C12orf50: variants seen among roughly 807,000 people sequenced by gnomAD.
C12orf50 encodes the protein zinc finger CCCH-type containing 11D.
In C12orf50, 35 loss-of-function variants were observed where a neutral mutation model predicts 61.6. That is an observed-to-expected ratio of 0.57 (90% CI 0.43 to 0.75). C12orf50 has a LOEUF of 0.75. Among genes scored for constraint, C12orf50 ranks in the 30% least tolerant of loss-of-function variants. The probability of loss-of-function intolerance (pLI) is 0.00; values close to 1 mark genes in which losing one functional copy is unlikely to be tolerated. For missense variants in C12orf50, 475 were observed against 488.5 expected (o/e 0.97, Z 0.26); for synonymous variants, 178 against 161.5 (o/e 1.10, Z -0.77).
rs115362308 is a variant in C12orf50 at position 88,022,543 on chromosome 12, T to A, written c.133+3945A>T. ...GAGAAAGAAAGAAAAGACATCCAAA[T>A]AGGAATCAAGGAAGTCAAATTATCC... On this transcript the variant is annotated intron_variant, in intron 3 of 12. Transcript: ENST00000298699. 4.1e-3 allele frequency among the ~76,000 whole-genome samples: 626 copies of A among 152,186 alleles called. 5 individuals are homozygous for A. Among genetic ancestry groups the A allele is most frequent in the African/African-American group, 0.015 (602 of 41,496 alleles).
At chr12:88,021,819 A>G (rs1195836437) in intron 3 of C12orf50, among the ~76,000 whole-genome samples, 1 of 152,152 alleles carries the variant, frequency 6.6e-6, no homozygotes, top group Non-Finnish European at 1.5e-5. Flanking sequence ...GAAGAGACCA[A>G]TACTGAGTTC....
intron 3 of C12orf50, among the ~76,000 whole-genome samples, chr12:88,004,522 A>G (rs968458008): frequency 6.6e-6 from 1 of 152,172 alleles, no homozygotes; most frequent in African/African-American, 2.4e-5. Context: ...CAGAAATACC[A>G]TTTGACCCAG....
At chr12:87,998,010 T>G (rs2031488188) in intron 4 of C12orf50, 25 bp downstream of exon 4, 1 of 1,592,118 alleles carries the variant, frequency 6.3e-7, no homozygotes, top group African/African-American at 1.3e-5. Flanking sequence ...ATGTGTATTG[T>G]AAACCTGAAA....
intron 3 of C12orf50, among the ~76,000 whole-genome samples, chr12:88,001,762 T>C (rs1025996396): frequency 6.6e-6 from 1 of 151,622 alleles, no homozygotes; most frequent in Non-Finnish European, 1.5e-5. Context: ...ATATAAGTTA[T>C]CTAATTTGTT....
At position 88,011,224 on chromosome 12, in the gene C12orf50, T is replaced by C. The variant is rs373583092; in HGVS notation, c.134-13034A>G. 2.0e-5 allele frequency among the ~76,000 whole-genome samples: 3 copies of C among 152,264 alleles called. No individual in the cohort carries two copies. The South Asian group carries it at 6.2e-4, about 32-fold the overall frequency. On this transcript the variant is annotated intron_variant, in intron 3 of 12. Transcript: ENST00000298699. Reference sequence around the variant, plus strand: ...TGTATCAGAGTTTTTTTTAAGGGAATAACCTTTTTCCCATTTTCAATCAAC... The same window carrying C: ...TGTATCAGAGTTTTTTTTAAGGGAACAACCTTTTTCCCATTTTCAATCAAC...
chr12:88,003,292 T>TA (rs551022967), intron 3 of C12orf50, among the ~76,000 whole-genome samples: 4 of 151,804 alleles, frequency 2.6e-5, no homozygotes, highest in East Asian at 1.9e-4. Context: ...TGTAACAGAC[T>TA]AAAAAAAATT....
intron 3 of C12orf50, among the ~76,000 whole-genome samples, chr12:88,026,066 G>A (rs2032695780): frequency 6.6e-6 from 1 of 152,142 alleles, no homozygotes; most frequent in South Asian, 2.1e-4. Context: ...AGAAACAGAA[G>A]TGTGTAACCC....
At chr12:88,003,900 T>C (rs1379587501) in intron 3 of C12orf50, among the ~76,000 whole-genome samples, 1 of 152,154 alleles carries the variant, frequency 6.6e-6, no homozygotes, top group Non-Finnish European at 1.5e-5. Context: ...TACATTTTGG[T>C]AAAATGCCTC....
intron 3 of C12orf50, among the ~76,000 whole-genome samples, chr12:88,013,045 C>T (rs1277456217): frequency 6.6e-6 from 1 of 151,338 alleles, no homozygotes; most frequent in Admixed American, 6.6e-5. Flanking sequence ...GCCTGGGCAA[C>T]AGAGCAAGAT....
intron 3 of C12orf50, among the ~76,000 whole-genome samples, chr12:88,002,273 T>C (rs1377771393): frequency 1.3e-5 from 2 of 151,832 alleles, no homozygotes; most frequent in African/African-American, 4.8e-5. Context: ...GTGTGCTATT[T>C]AATTTCCATA....
chr12:88,015,576 C>CT (rs200384100), intron 3 of C12orf50, among the ~76,000 whole-genome samples: 1,658 of 152,242 alleles, frequency 0.011, 23 homozygotes, highest in Middle Eastern at 0.041. Context: ...AATATAAGAA[C>CT]TTTTTTAAAA....
chr12:88,016,091 C>T (rs1195508322), intron 3 of C12orf50, among the ~76,000 whole-genome samples: 1 of 152,092 alleles, frequency 6.6e-6, no homozygotes, highest in Non-Finnish European at 1.5e-5. Context: ...AACTCATCTA[C>T]TTAATATGGA....
intron 3 of C12orf50, among the ~76,000 whole-genome samples, chr12:88,018,842 G>C (rs1054438080): frequency 8.5e-5 from 13 of 152,062 alleles, no homozygotes; most frequent in African/African-American, 3.1e-4. Context: ...GTTTTGCCCA[G>C]TTTCTCCCAT....
At chr12:88,012,065 A>T (rs1177730812) in intron 3 of C12orf50, among the ~76,000 whole-genome samples, 3 of 152,090 alleles carry the variant, frequency 2.0e-5, no homozygotes, top group Non-Finnish European at 4.4e-5. Context: ...TTTGTTTTGC[A>T]TTTTTTCCCA....
chr12:88,013,988 A>C (rs1236997455), intron 3 of C12orf50, among the ~76,000 whole-genome samples: 1 of 152,224 alleles, frequency 6.6e-6, no homozygotes, highest in African/African-American at 2.4e-5. Context: ...GTTTCAGAAA[A>C]GACAGGGAAA....
intron 3 of C12orf50, among the ~76,000 whole-genome samples, chr12:88,013,760 A>T (rs557750661): frequency 6.6e-6 from 1 of 152,376 alleles, no homozygotes; most frequent in African/African-American, 2.4e-5. Context: ...TGTAAGTTAC[A>T]AAATGTCTTA....
In C12orf50 at chr12:88,005,102, T is replaced by A. The variant is rs537847038; in HGVS notation, c.134-6912A>T. Among the ~76,000 whole-genome samples the A allele has an allele frequency of 3.3e-5, 5 of 152,332 alleles. No homozygotes were observed. The East Asian group carries it at 9.6e-4, about 29-fold the overall frequency. On this transcript the variant is annotated intron_variant, in intron 3 of 12. Coordinates refer to ENST00000298699, the MANE Select transcript of C12orf50 (RefSeq NM_152589.3). ...TCACAATCCTCTCATAAGCATTCTGTTGCCTCCTTTATTTCTGTATGTGGA... is the reference window on the plus strand; with the variant it reads ...TCACAATCCTCTCATAAGCATTCTGATGCCTCCTTTATTTCTGTATGTGGA...
chr12:88,011,994 A>T (rs976771760), intron 3 of C12orf50, among the ~76,000 whole-genome samples: 1 of 152,200 alleles, frequency 6.6e-6, no homozygotes, highest in African/African-American at 2.4e-5. Context: ...ATAGTTTGAA[A>T]TTGGCCGTAG....
chr12:88,004,393 A>G (rs570632102), intron 3 of C12orf50, among the ~76,000 whole-genome samples: 20 of 152,352 alleles, frequency 1.3e-4, no homozygotes, highest in Admixed American at 8.5e-4. Flanking sequence ...AAGCTAAAAA[A>G]ATAGCAGATG....
Sources: gnomAD v4.1 joint callset for allele counts (sites outside exome capture counted in the v4.1 genomes callset) on GRCh38, gnomAD v4.1.1 for gene constraint, MANE v1.5 for transcripts, NCBI Gene and HGNC (gene_info 2026-07-23, HGNC 2026-07-21) for gene names.